Variants in PPHLN1 observed in about 807,000 individuals in gnomAD.
The protein encoded by PPHLN1 is periphilin 1.
Under a neutral mutation model 51.3 loss-of-function variants are expected in PPHLN1, and 29 were observed. The ratio of observed to expected loss-of-function variants is 0.57; its 90% CI spans 0.42 to 0.77. The LOEUF (loss-of-function observed/expected upper bound fraction) is 0.77. PPHLN1 is among the 30% of genes least tolerant of loss of function. The pLI, the probability that PPHLN1 is intolerant of heterozygous loss-of-function variation, is 0.00. For missense variants in PPHLN1, 436 were observed against 438.4 expected (o/e 0.99, Z 0.05); for synonymous variants, 147 against 147.8 (o/e 0.99, Z 0.04).
intron 5 of PPHLN1, among the ~76,000 whole-genome samples, chr12:42,383,396 T>G (rs2076922024): frequency 6.6e-6 from 1 of 152,194 alleles, no homozygotes; most frequent in African/African-American, 2.4e-5. Flanking sequence ...AATATCACCA[T>G]TATCTCTTGA....
At chr12:42,417,920 GTT>G (rs542371198) in intron 9 of PPHLN1, among the ~76,000 whole-genome samples, 31,452 of 102,192 alleles carry the variant, frequency 0.31, 5,165 homozygotes, top group African/African-American at 0.47. Context: ...AAAAGCCCTA[GTT>G]TTTTTTTTTG....
chr12:42,421,627 C>T (rs1248288777), intron 9 of PPHLN1, among the ~76,000 whole-genome samples: 1 of 152,108 alleles, frequency 6.6e-6, no homozygotes, highest in Non-Finnish European at 1.5e-5. Flanking sequence ...GGATTACAAG[C>T]ATGAGCCATT....
intron 2 of PPHLN1, among the ~76,000 whole-genome samples, chr12:42,344,442 C>G (rs910098999): frequency 6.6e-6 from 1 of 152,068 alleles, no homozygotes; most frequent in African/African-American, 2.4e-5. Context: ...ACTTTCTTCC[C>G]TCCTAGATTA....
intron 4 of PPHLN1, among the ~76,000 whole-genome samples, chr12:42,364,155 C>T (rs376776210): frequency 2.6e-5 from 4 of 152,210 alleles, no homozygotes; most frequent in East Asian, 1.9e-4. Flanking sequence ...ACCTGGGAAG[C>T]GGAGGTTGCA....
intron 7 of PPHLN1, among the ~76,000 whole-genome samples, chr12:42,391,623 C>A (rs1233540975): frequency 6.6e-6 from 1 of 151,666 alleles, no homozygotes; most frequent in African/African-American, 2.4e-5. Context: ...CCCCCTCACC[C>A]CCTGGAAAAA....
chr12:42,331,950 A>C (rs1428394154), intron 1 of PPHLN1: 1 of 152,272 alleles, frequency 6.6e-6, no homozygotes. Flanking sequence ...ATATGCCGCT[A>C]ATCAGGAAGC....
At chr12:42,429,226 T>C (rs2081804845) in intron 9 of PPHLN1, among the ~76,000 whole-genome samples, 1 of 152,238 alleles carries the variant, frequency 6.6e-6, no homozygotes, top group African/African-American at 2.4e-5. Context: ...AAAATTACTT[T>C]TCTCAAAATT....
chr12:42,345,221 C>G (rs1001500996), intron 2 of PPHLN1, among the ~76,000 whole-genome samples: 7 of 152,080 alleles, frequency 4.6e-5, no homozygotes, highest in African/African-American at 1.4e-4. Flanking sequence ...TTAACGTAAG[C>G]AAACCAAAGA....
At chr12:42,341,630 TA>T (rs771861850) in intron 2 of PPHLN1, among the ~76,000 whole-genome samples, 67 of 151,740 alleles carry the variant, frequency 4.4e-4, no homozygotes, top group African/African-American at 1.2e-3. Context: ...TTATTATTAT[TA>T]TTATTTTTTG....
intron 2 of PPHLN1, 56 bp downstream of exon 2, chr12:42,336,030 A>T: frequency 1.6e-6 from 2 of 1,232,864 alleles, no homozygotes; most frequent in Non-Finnish European, 2.3e-6. Flanking sequence ...AATTAATTTG[A>T]TACACCAAAG....
chr12:42,408,705 A>G (rs564177561), intron 9 of PPHLN1, among the ~76,000 whole-genome samples: 12 of 152,318 alleles, frequency 7.9e-5, no homozygotes, highest in African/African-American at 2.4e-4. Context: ...TAATGTTAGA[A>G]TGAAGTGAGT....
At chr12:42,438,979 C>T (rs1238719020) in intron 9 of PPHLN1, among the ~76,000 whole-genome samples, 1 of 152,186 alleles carries the variant, frequency 6.6e-6, no homozygotes, top group Non-Finnish European at 1.5e-5. Context: ...AAGATTTTCT[C>T]CGAGTCTGTA....
intron 9 of PPHLN1, among the ~76,000 whole-genome samples, chr12:42,439,528 G>A (rs1028314395): frequency 6.6e-6 from 1 of 152,170 alleles, no homozygotes; most frequent in Non-Finnish European, 1.5e-5. Context: ...TTGTTTGTTT[G>A]TTTTGAGACA....
At chr12:42,429,852 G>C (rs1227676983) in intron 9 of PPHLN1, among the ~76,000 whole-genome samples, 1 of 152,116 alleles carries the variant, frequency 6.6e-6, no homozygotes, top group African/African-American at 2.4e-5. Context: ...ATTTTATTTT[G>C]AAAATTTTTG....
chr12:42,413,804 C>T (rs984623070), intron 9 of PPHLN1, among the ~76,000 whole-genome samples: 1 of 152,132 alleles, frequency 6.6e-6, no homozygotes, highest in Admixed American at 6.5e-5. Context: ...CACAAGTGAT[C>T]CGCCCACCTC....
chr12:42,353,768 T>C (rs1343171003), intron 3 of PPHLN1, among the ~76,000 whole-genome samples: 1 of 152,216 alleles, frequency 6.6e-6, no homozygotes, highest in Non-Finnish European at 1.5e-5. Context: ...GAAAATCCTA[T>C]GTGAGTTTTC....
intron 2 of PPHLN1, among the ~76,000 whole-genome samples, chr12:42,345,114 T>C (rs2072102449): frequency 6.6e-6 from 1 of 152,196 alleles, no homozygotes; most frequent in Non-Finnish European, 1.5e-5. Flanking sequence ...GATAGGTATA[T>C]TGGAATGTAT....
Position 42,441,482 on chromosome 12 carries a change from C to T in PPHLN1, c.1077C>T (p.Ser359=), listed in dbSNP as rs766725766. 2.6e-5 allele frequency: 42 copies of T among 1,599,138 alleles called. No homozygotes were observed. The highest frequency in any genetic ancestry group is 3.5e-5 in the Non-Finnish European group (41 of 1,173,970). Residue 359 remains serine (S), a synonymous_variant, in exon 10 of 10, where the codon TCC becomes TCT. Coordinates refer to ENST00000358314, the MANE Select transcript of PPHLN1 (RefSeq NM_201439.2). ...ATTTCATTGCAGAGTATGATACTTC[C>T]ACTCAAGATTTTGGAGAGCCTTTTT... ...LKHFIAEYDT[S]TQDFGEPF
intron 9 of PPHLN1, among the ~76,000 whole-genome samples, chr12:42,434,177 T>C (rs1481934864): frequency 2.0e-5 from 3 of 152,082 alleles, no homozygotes; most frequent in African/African-American, 4.8e-5. Context: ...CAAACTAACA[T>C]AGGAACACAA....
Sources: gnomAD v4.1 joint callset for allele counts (sites outside exome capture counted in the v4.1 genomes callset) on GRCh38, gnomAD v4.1.1 for gene constraint, MANE v1.5 for transcripts, NCBI Gene and HGNC (gene_info 2026-07-23, HGNC 2026-07-21) for gene names.